The following ITFG1 variants were observed in gnomAD, a reference collection of about 807,000 sequenced individuals.
ITFG1 encodes the protein T-cell immunomodulatory protein.
A neutral mutation model predicts 81.8 loss-of-function variants in ITFG1; 34 were observed. The observed-to-expected ratio is 0.42, with a 90% confidence interval of 0.32 to 0.55. The LOEUF (loss-of-function observed/expected upper bound fraction) is 0.55. Among genes scored for constraint, ITFG1 ranks in the 20% least tolerant of loss-of-function variants. The probability of loss-of-function intolerance (pLI) is 0.17; values close to 1 mark genes in which losing one functional copy is unlikely to be tolerated. For missense variants in ITFG1, 672 were observed against 755.4 expected (o/e 0.89, Z 1.29); for synonymous variants, 285 against 270.6 (o/e 1.05, Z -0.52).
chr16:47,270,782 C>T (rs1966330073), intron 10 of ITFG1, among the ~76,000 whole-genome samples: 1 of 152,172 alleles, frequency 6.6e-6, no homozygotes, highest in Non-Finnish European at 1.5e-5. Flanking sequence ...TATTATTATG[C>T]AGCGTAAGAA....
chr16:47,344,470 G>C lies in ITFG1; in HGVS notation c.802+21318C>G, dbSNP rs1430773999. On this transcript the variant is annotated intron_variant, in intron 8 of 17. Transcript: ENST00000320640. ...CTCACTGAACTCTACACTTAAAATG[G>C]AAGACTTTTATGATATGTAAATTTT... Among the ~76,000 whole-genome samples the C allele has an allele frequency of 2.0e-5, 3 of 152,074 alleles. No individual in the cohort carries two copies. The South Asian group carries it at 6.2e-4, about 32-fold the overall frequency.
chr16:47,164,116 A>C (rs1256448453), intron 14 of ITFG1, among the ~76,000 whole-genome samples: 1 of 148,646 alleles, frequency 6.7e-6, no homozygotes, highest in Non-Finnish European at 1.5e-5. Context: ...AATATTGATA[A>C]CTCTGGTATC....
chr16:47,232,552 G>A (rs555330798), intron 13 of ITFG1, among the ~76,000 whole-genome samples: 3 of 152,064 alleles, frequency 2.0e-5, no homozygotes, highest in South Asian at 2.1e-4. Context: ...GGTAGTAGGT[G>A]GTGGTATGGG....
intron 10 of ITFG1, among the ~76,000 whole-genome samples, chr16:47,280,317 T>C (rs142523761): frequency 2.8e-4 from 42 of 152,310 alleles, no homozygotes; most frequent in African/African-American, 8.4e-4. Context: ...AGAGGTTTTA[T>C]CATGAATGCA....
chr16:47,165,904 A>C (rs1964882803), intron 14 of ITFG1, among the ~76,000 whole-genome samples: 1 of 152,206 alleles, frequency 6.6e-6, no homozygotes, highest in South Asian at 2.1e-4. Context: ...TGACACTACT[A>C]GCAAAGACTG....
At chr16:47,278,001 A>G (rs760280291) in intron 10 of ITFG1, among the ~76,000 whole-genome samples, 1 of 152,192 alleles carries the variant, frequency 6.6e-6, no homozygotes, top group Non-Finnish European at 1.5e-5. Context: ...TATATATAAA[A>G]TATAAGGCAG....
At chr16:47,445,964 T>C (rs997475445) in intron 5 of ITFG1, among the ~76,000 whole-genome samples, 2 of 152,118 alleles carry the variant, frequency 1.3e-5, no homozygotes, top group African/African-American at 2.4e-5. Context: ...GATTTAGCAT[T>C]TATTTACGTA....
At chr16:47,395,438 C>T (rs1968582016) in intron 6 of ITFG1, among the ~76,000 whole-genome samples, 1 of 152,198 alleles carries the variant, frequency 6.6e-6, no homozygotes, top group African/African-American at 2.4e-5. Context: ...CTGATTAAAA[C>T]ATCTGGCAGG....
intron 6 of ITFG1, among the ~76,000 whole-genome samples, chr16:47,387,743 A>T (rs1291633865): frequency 1.3e-5 from 2 of 152,180 alleles, no homozygotes; most frequent in African/African-American, 4.8e-5. Flanking sequence ...GACTGTGCAT[A>T]CTTTTTCTGT....
At chr16:47,223,820 G>A (rs1177578935) in intron 13 of ITFG1, among the ~76,000 whole-genome samples, 4 of 152,266 alleles carry the variant, frequency 2.6e-5, no homozygotes, top group African/African-American at 9.6e-5. Context: ...CAACCCAAAT[G>A]TCCAACGATG....
intron 10 of ITFG1, among the ~76,000 whole-genome samples, chr16:47,283,686 G>T (rs1302291969): frequency 1.3e-5 from 2 of 152,172 alleles, no homozygotes; most frequent in Admixed American, 1.3e-4. Flanking sequence ...TTCGACTTTA[G>T]CCCAGTGAAA....
At chr16:47,387,387 A>G (rs1267147092) in intron 6 of ITFG1, among the ~76,000 whole-genome samples, 1 of 152,212 alleles carries the variant, frequency 6.6e-6, no homozygotes, top group Non-Finnish European at 1.5e-5. Flanking sequence ...GTGGAAAAGA[A>G]TCTGGCTCCA....
chr16:47,421,132 T>C (rs1968941009), intron 6 of ITFG1, among the ~76,000 whole-genome samples: 1 of 152,068 alleles, frequency 6.6e-6, no homozygotes, highest in African/African-American at 2.4e-5. Context: ...AGTCTATACA[T>C]GTTGTTACAG....
chr16:47,296,070 T>C (rs1966977066), intron 10 of ITFG1, among the ~76,000 whole-genome samples: 2 of 146,616 alleles, frequency 1.4e-5, no homozygotes, highest in African/African-American at 5.2e-5. Flanking sequence ...CGGCTAAGTT[T>C]TTATTTTATT....
At chr16:47,407,272 A>G (rs1968740873) in intron 6 of ITFG1, among the ~76,000 whole-genome samples, 1 of 152,204 alleles carries the variant, frequency 6.6e-6, no homozygotes, top group Admixed American at 6.5e-5. Context: ...AGTTGTGGAA[A>G]TATTTCAAAG....
intron 10 of ITFG1, among the ~76,000 whole-genome samples, chr16:47,286,331 C>T (rs140563266): frequency 9.9e-5 from 15 of 152,106 alleles, no homozygotes; most frequent in Admixed American, 4.6e-4. Flanking sequence ...GAAAAAGTGG[C>T]CTTCTTTGTT....
At position 47,428,806 on chromosome 16, in the gene ITFG1, G is replaced by A. The variant is rs1347487119; in HGVS notation, c.653C>T (p.Ala218Val). The A allele has an allele frequency of 3.8e-6, 6 of 1,596,534 alleles. No individual in the cohort carries two copies. In the African/African-American group the frequency reaches 8.0e-5, roughly 21 times the overall value. The change falls in exon 6 of 18, where the codon GCA (alanine) becomes GTA (valine). Residue 218 changes from alanine to valine, a missense_variant and splice_region_variant. By Grantham distance (64) the Ala-to-Val change is moderately conservative. This residue lies in a region of ITFG1 where 560 missense variants were observed against 625.7 expected (regional missense o/e 0.90). Coordinates refer to ENST00000320640, the MANE Select transcript of ITFG1 (RefSeq NM_030790.5). The part of the protein sequence containing the change: ...AFIDLTEDFT[A>V]DLFLTTLNAT... ...TTCCAGATTTATGTGCAACTCACCTGCTGTAAAATCTTCAGTCAGATCAAT... is the reference window on the plus strand; with the variant it reads ...TTCCAGATTTATGTGCAACTCACCTACTGTAAAATCTTCAGTCAGATCAAT...
intron 5 of ITFG1, among the ~76,000 whole-genome samples, chr16:47,440,856 C>T (rs369206511): frequency 2.6e-5 from 4 of 151,886 alleles, no homozygotes; most frequent in African/African-American, 7.3e-5. Flanking sequence ...CTGAAGGAGA[C>T]AGAGACACAA....
chr16:47,284,844 A>G (rs552504407), intron 10 of ITFG1, among the ~76,000 whole-genome samples: 5 of 152,292 alleles, frequency 3.3e-5, no homozygotes, highest in African/African-American at 1.2e-4. Context: ...TGAAAACCCA[A>G]AGCTTGTATA....
Sources: gnomAD v4.1 joint callset for allele counts (sites outside exome capture counted in the v4.1 genomes callset) on GRCh38, gnomAD v4.1.1 for gene constraint, gnomAD v4.1.1 regional missense constraint, MANE v1.5 for transcripts, NCBI Gene and HGNC (gene_info 2026-07-23, HGNC 2026-07-21) for gene names.